GAB2: variants seen among roughly 807,000 people sequenced by gnomAD.
The protein encoded by GAB2 is GRB2-associated-binding protein 2.
In GAB2, 26 loss-of-function variants were observed where a neutral mutation model predicts 65.5. That is an observed-to-expected ratio of 0.40 (90% CI 0.29 to 0.55). GAB2 has a LOEUF of 0.55. Among genes scored for constraint, GAB2 ranks in the 20% least tolerant of loss-of-function variants. GAB2 has a pLI of 0.53. For missense variants in GAB2, 884 were observed against 875.8 expected (o/e 1.01, Z -0.12); for synonymous variants, 321 against 329.6 (o/e 0.97, Z 0.28).
In GAB2 at chr11:78,286,861, G is replaced by A. The variant is rs148040259; in HGVS notation, c.76-5960C>T. Among the ~76,000 whole-genome samples the A allele has an allele frequency of 3.4e-4, 52 of 152,230 alleles. No individual in the cohort carries two copies. In the East Asian group the frequency reaches 9.7e-3, roughly 28 times the overall value. ...ATACAAAAATGAAAAATTGCTGTTG[G>A]ATTACTGACACATAATGCAAGGAGA... On this transcript the variant is annotated intron_variant, in intron 1 of 9. Coordinates refer to ENST00000361507, the MANE Select transcript of GAB2 (RefSeq NM_080491.3).
At chr11:78,266,657 G>A (rs182128289) in intron 2 of GAB2, among the ~76,000 whole-genome samples, 3 of 152,336 alleles carry the variant, frequency 2.0e-5, no homozygotes, top group Admixed American at 2.0e-4. Flanking sequence ...TCAGTTAAAA[G>A]CAGGTAAATC....
At position 78,367,941 on chromosome 11, in the gene GAB2, C is replaced by G. The variant is rs181768378; in HGVS notation, c.75+49705G>C. ...ACGCCATTCTCCTGCCTCAGCCTCC[C>G]GAGTAGCTGGGACTACCGGCACCCG... On this transcript the variant is annotated intron_variant, in intron 1 of 9. Transcript: ENST00000361507. Among the ~76,000 whole-genome samples, 933 of 151,534 alleles carry G rather than the reference C, an allele frequency of 6.2e-3. 5 individuals are homozygous for G. Among genetic ancestry groups the G allele is most frequent in the African/African-American group, 0.021 (848 of 41,314 alleles).
At chr11:78,319,697 T>A (rs1382873902) in intron 1 of GAB2, among the ~76,000 whole-genome samples, 1 of 152,204 alleles carries the variant, frequency 6.6e-6, no homozygotes, top group African/African-American at 2.4e-5. Flanking sequence ...GCCTTTTCAT[T>A]TTTATGAGAT....
chr11:78,272,791 C>T (rs1866050632), intron 2 of GAB2, among the ~76,000 whole-genome samples: 1 of 152,200 alleles, frequency 6.6e-6, no homozygotes, highest in Non-Finnish European at 1.5e-5. Flanking sequence ...CAGCGCTTCC[C>T]ATTACAAGCC....
At chr11:78,301,830 G>C (rs779086635) in intron 1 of GAB2, among the ~76,000 whole-genome samples, 16 of 152,240 alleles carry the variant, frequency 1.1e-4, no homozygotes, top group Non-Finnish European at 2.1e-4. Flanking sequence ...CATGGTACTG[G>C]TATAAAAACA....
At chr11:78,337,343 G>A (rs898369652) in intron 1 of GAB2, among the ~76,000 whole-genome samples, 1 of 152,190 alleles carries the variant, frequency 6.6e-6, no homozygotes, top group African/African-American at 2.4e-5. Flanking sequence ...CTACTATGCG[G>A]GGGTTTCCTT....
intron 1 of GAB2, among the ~76,000 whole-genome samples, chr11:78,300,072 C>T (rs941685054): frequency 3.3e-5 from 5 of 152,190 alleles, no homozygotes; most frequent in African/African-American, 1.2e-4. Flanking sequence ...CACAACATTT[C>T]CATGACCCCA....
intron 1 of GAB2, among the ~76,000 whole-genome samples, chr11:78,297,776 A>C (rs1866878466): frequency 6.6e-6 from 1 of 152,196 alleles, no homozygotes; most frequent in South Asian, 2.1e-4. Context: ...CTTGAGAACC[A>C]TGTATTATAC....
intron 3 of GAB2, 124 bp from the exon 4 acceptor site, chr11:78,227,175 T>C (rs1258776841): frequency 3.0e-6 from 2 of 661,852 alleles, no homozygotes; most frequent in East Asian, 2.7e-5. Flanking sequence ...ACTAAAAGCA[T>C]ATTTTGAAGG....
chr11:78,351,672 A>G (rs755943149), intron 1 of GAB2, among the ~76,000 whole-genome samples: 12 of 152,216 alleles, frequency 7.9e-5, no homozygotes, highest in Non-Finnish European at 1.6e-4. Context: ...CCCTACTGAA[A>G]GCCAAGCATC....
chr11:78,244,686 A>G (rs1003751933), intron 3 of GAB2, among the ~76,000 whole-genome samples: 2 of 146,012 alleles, frequency 1.4e-5, no homozygotes, highest in African/African-American at 5.0e-5. Context: ...AAAAAAAAAA[A>G]GCTTGCCGTC....
At chr11:78,222,398 A>G (rs1438046152) in intron 6 of GAB2, among the ~76,000 whole-genome samples, 1 of 151,974 alleles carries the variant, frequency 6.6e-6, no homozygotes, top group Non-Finnish European at 1.5e-5. Context: ...TCCAAATTAT[A>G]TATTCTTTCT....
At position 78,215,514 on chromosome 11, in the gene GAB2, A is replaced by AAAATT. The variant is rs1864078289; in HGVS notation, c.*3753_*3757dup. 1 of 152,770 alleles carries AAAATT rather than the reference A, an allele frequency of 6.5e-6. No individual in the cohort carries two copies. Among genetic ancestry groups the AAAATT allele is most frequent in the Non-Finnish European group, 1.5e-5 (1 of 68,022 alleles). The allele number at this position is 152,770 out of a possible 1,614,324, so 9.5% of individuals were successfully genotyped here. A position where few individuals can be genotyped will look rare whatever the true frequency, so the allele number is the denominator to read the frequency against. On this transcript the variant is annotated 3_prime_UTR_variant, in exon 10 of 10. Transcript: ENST00000361507. ...GTGATTAGGCACCAACAGTGATTTG[A>AAAATT]AAATTAAATGTCAATTTTAAATGGT...
intron 3 of GAB2, 61 bp from the exon 4 acceptor site, chr11:78,227,112 A>C: frequency 8.9e-7 from 1 of 1,118,178 alleles, no homozygotes; most frequent in Non-Finnish European, 1.3e-6. Context: ...TGTGACCTTG[A>C]GGCAAAGCAC....
At chr11:78,236,371 G>T (rs969008368) in intron 3 of GAB2, among the ~76,000 whole-genome samples, 1 of 152,072 alleles carries the variant, frequency 6.6e-6, no homozygotes, top group African/African-American at 2.4e-5. Context: ...GGCTGGTCTC[G>T]AACTCTTGAG....
chr11:78,404,419 T>C (rs1857013938), intron 1 of GAB2, among the ~76,000 whole-genome samples: 1 of 152,200 alleles, frequency 6.6e-6, no homozygotes, highest in Non-Finnish European at 1.5e-5. Context: ...GGGTGGCGCA[T>C]GTCTGTAGTC....
chr11:78,241,277 C>T (rs1019363510), intron 3 of GAB2, among the ~76,000 whole-genome samples: 1 of 152,206 alleles, frequency 6.6e-6, no homozygotes, highest in African/African-American at 2.4e-5. Context: ...TCCTTCTCAA[C>T]TGGAACACTA....
chr11:78,383,058 A>G (rs532768310), intron 1 of GAB2, among the ~76,000 whole-genome samples: 2 of 152,202 alleles, frequency 1.3e-5, no homozygotes, highest in South Asian at 4.2e-4. Context: ...GGATCACCTG[A>G]GGTCAGGAAT....
At chr11:78,413,260 G>A (rs1857152264) in intron 1 of GAB2, among the ~76,000 whole-genome samples, 1 of 152,202 alleles carries the variant, frequency 6.6e-6, no homozygotes, top group South Asian at 2.1e-4. Context: ...AATGGACAAG[G>A]TTGCCAAAGG....
Sources: allele counts gnomAD v4.1 joint callset (sites outside exome capture counted in the v4.1 genomes callset), GRCh38; gene constraint gnomAD v4.1.1; transcripts MANE v1.5; gene names NCBI Gene and HGNC (gene_info 2026-07-23, HGNC 2026-07-21).